Variants in TMEM128 observed in about 807,000 individuals in gnomAD.
The protein encoded by TMEM128 is transmembrane protein 128.
A neutral mutation model predicts 19.7 loss-of-function variants in TMEM128; 16 were observed. The observed-to-expected ratio is 0.81, with a 90% confidence interval of 0.55 to 1.23. The LOEUF is 1.23. Among genes scored for constraint, TMEM128 ranks in the 50% most tolerant of loss-of-function variants. TMEM128 has a pLI of 0.00. For synonymous variants in TMEM128, 98 were observed against 75.8 expected (o/e 1.29, Z -1.52); for missense variants, 237 against 200.8 (o/e 1.18, Z -1.09).
rs934957041 is a variant in TMEM128 at position 4,241,302 on chromosome 4, T to G, written c.240-823A>C. Among the ~76,000 whole-genome samples the G allele has an allele frequency of 4.3e-4, 65 of 152,184 alleles. 1 individual carries two copies. Among genetic ancestry groups the G allele is most frequent in the African/African-American group, 1.5e-3 (62 of 41,446 alleles). ...GATTTCTAAATGAAATCCTCCCATT[T>G]TCAAAATATCTTCTACTCACCACCT... On this transcript the variant is annotated intron_variant, in intron 2 of 4. Transcript: ENST00000382753.
chr4:4,247,776 C>T (rs753364071), intron 1 of TMEM128: 2 of 1,491,514 alleles, frequency 1.3e-6, no homozygotes, highest in East Asian at 4.8e-5. Flanking sequence ...CTATTACAAG[C>T]AATCCTGAAG....
At chr4:4,244,236 G>C (rs1310062456) in intron 2 of TMEM128, among the ~76,000 whole-genome samples, 2 of 152,166 alleles carry the variant, frequency 1.3e-5, no homozygotes, top group East Asian at 3.9e-4. Context: ...AGTACTTTAG[G>C]AAGTCAAGGT....
At chr4:4,247,597 T>G in intron 1 of TMEM128, 1 of 1,614,214 alleles carries the variant, frequency 6.2e-7, no homozygotes, top group Non-Finnish European at 8.5e-7. Flanking sequence ...ACATCACAAG[T>G]TACCTGTTTT....
At chr4:4,244,624 G>A (rs1199863651) in intron 2 of TMEM128, among the ~76,000 whole-genome samples, 2 of 151,732 alleles carry the variant, frequency 1.3e-5, no homozygotes, top group East Asian at 3.9e-4. Flanking sequence ...TGATGACAAA[G>A]CACTTCCTAA....
At chr4:4,240,786 A>T (rs1717923007) in intron 2 of TMEM128, among the ~76,000 whole-genome samples, 2 of 152,212 alleles carry the variant, frequency 1.3e-5, no homozygotes, top group African/African-American at 4.8e-5. Flanking sequence ...CTTTAAAAAT[A>T]CAAGGAAGAG....
At chr4:4,247,981 C>G in intron 1 of TMEM128, 125 bp downstream of exon 1, 1 of 1,453,656 alleles carries the variant, frequency 6.9e-7, no homozygotes. Flanking sequence ...TCTTCCCTGA[C>G]ATTAAATATT....
chr4:4,243,798 C>T (rs1402647170), intron 2 of TMEM128, among the ~76,000 whole-genome samples: 2 of 152,202 alleles, frequency 1.3e-5, no homozygotes, highest in African/African-American at 4.8e-5. Context: ...TGGTCCTGGG[C>T]ACTCCACTTC....
chr4:4,247,718 T>C, intron 1 of TMEM128: 1 of 1,594,100 alleles, frequency 6.3e-7, no homozygotes, highest in Admixed American at 1.8e-5. Flanking sequence ...CCAAATTTAC[T>C]TAAACAGCTT....
At chr4:4,247,570 C>T (rs2916469) in intron 1 of TMEM128, 630,035 of 1,612,008 alleles carry the variant, frequency 0.39, 125,073 homozygotes, top group African/African-American at 0.5. Context: ...ATATTCTATG[C>T]ATTCACAGGT....
intron 1 of TMEM128, among the ~76,000 whole-genome samples, chr4:4,246,894 C>T (rs1718201456): frequency 6.6e-6 from 1 of 152,078 alleles, no homozygotes; most frequent in Admixed American, 6.6e-5. Context: ...ATTACAGGCG[C>T]CTGCCACCAC....
Position 4,242,446 on chromosome 4 carries a change from G to T in TMEM128, c.240-1967C>A, listed in dbSNP as rs182231644. 8.6e-5 allele frequency among the ~76,000 whole-genome samples: 13 copies of T among 151,554 alleles called. No homozygotes were observed. The East Asian group carries it at 2.4e-3, about 28-fold the overall frequency. ...GATTAGGAAAAAAATGTCTAAAAAG[G>T]CCTTTTATCATTACCCCTAAGGAGT... On this transcript the variant is annotated intron_variant, in intron 2 of 4. Coordinates refer to ENST00000382753, the MANE Select transcript of TMEM128 (RefSeq NM_001297551.2).
intron 1 of TMEM128, among the ~76,000 whole-genome samples, chr4:4,247,245 T>C (rs1718218527): frequency 6.6e-6 from 1 of 152,142 alleles, no homozygotes; most frequent in Non-Finnish European, 1.5e-5. Context: ...CTATTAAGTT[T>C]TCCGGGGATT....
intron 2 of TMEM128, among the ~76,000 whole-genome samples, chr4:4,241,550 C>A (rs1717957478): frequency 6.6e-6 from 1 of 152,174 alleles, no homozygotes; most frequent in Non-Finnish European, 1.5e-5. Context: ...GAACAGATGG[C>A]TACAACAGAT....
rs565947165 is a variant in TMEM128 at position 4,242,621 on chromosome 4, C to A, written c.240-2142G>T. Among the ~76,000 whole-genome samples the A allele has an allele frequency of 1.4e-4, 21 of 152,032 alleles. 1 individual carries two copies. The highest frequency in any genetic ancestry group is 1.3e-3 in the Admixed American group (20 of 15,288). ...GCAACCTCCACTTCCCAGGTTCAAGCTATCCTCCTGCCTCAGCCTCCTGAG... is the reference window on the plus strand; with the variant it reads ...GCAACCTCCACTTCCCAGGTTCAAGATATCCTCCTGCCTCAGCCTCCTGAG... On this transcript the variant is annotated intron_variant, in intron 2 of 4. Transcript: ENST00000382753.
At position 4,236,125 on chromosome 4, in the gene TMEM128, C is replaced by A. The variant is rs1342059558; in HGVS notation, c.*141G>T. 6.6e-6 allele frequency: 1 copy of A among 152,262 alleles called. No individual in the cohort carries two copies. Among genetic ancestry groups the A allele is most frequent in the South Asian group, 2.1e-4 (1 of 4,826 alleles). The allele number at this position is 152,262 out of a possible 1,614,324, so 9.4% of individuals were successfully genotyped here. A position where few individuals can be genotyped will look rare whatever the true frequency, so the allele number is the denominator to read the frequency against. ...AGCTAGCTGGATGTTTAACCATTCA[C>A]TTCAAATTTACATGTCCAGCCAGGC... On this transcript the variant is annotated 3_prime_UTR_variant, in exon 5 of 5. Coordinates refer to ENST00000382753, the MANE Select transcript of TMEM128 (RefSeq NM_001297551.2).
At chr4:4,248,075 G>C (rs772980774) in intron 1 of TMEM128, 31 bp downstream of exon 1, 325 of 1,534,678 alleles carry the variant, frequency 2.1e-4, no homozygotes, top group Non-Finnish European at 2.6e-4. Context: ...TCGCCTCTGA[G>C]AACCTCGGGG....
intron 2 of TMEM128, among the ~76,000 whole-genome samples, chr4:4,242,878 C>T (rs1718019785): frequency 6.6e-6 from 1 of 152,028 alleles, no homozygotes; most frequent in Non-Finnish European, 1.5e-5. Flanking sequence ...TGGTCCTCGG[C>T]CCTGGCTTTA....
intron 1 of TMEM128, chr4:4,247,870 T>C: frequency 2.1e-6 from 3 of 1,430,026 alleles, no homozygotes; most frequent in Non-Finnish European, 2.7e-6. Context: ...TGGGTATTTT[T>C]AATTTTAATC....
intron 1 of TMEM128, chr4:4,247,764 C>A: frequency 6.6e-7 from 1 of 1,507,486 alleles, no homozygotes; most frequent in Non-Finnish European, 8.9e-7. Flanking sequence ...TCCAGTAATT[C>A]GCTATTACAA....
Sources: allele counts gnomAD v4.1 joint callset (sites outside exome capture counted in the v4.1 genomes callset), GRCh38; gene constraint gnomAD v4.1.1; transcripts MANE v1.5; gene names NCBI Gene and HGNC (gene_info 2026-07-23, HGNC 2026-07-21).